The following SYNDIG1L variants were observed in gnomAD, a reference collection of about 807,000 sequenced individuals.
SYNDIG1L encodes the protein synapse differentiation-inducing gene protein 1-like.
SYNDIG1L carries 13 observed loss-of-function variants against 20.1 expected under a neutral mutation model. That is an observed-to-expected ratio of 0.65 (90% CI 0.42 to 1.03). The LOEUF (loss-of-function observed/expected upper bound fraction) is 1.03, where lower values mean the gene tolerates loss of function less well. SYNDIG1L is among the 50% of genes least tolerant of loss of function. SYNDIG1L has a pLI of 0.00. For missense variants in SYNDIG1L, 294 were observed against 305.1 expected (o/e 0.96, Z 0.27); for synonymous variants, 128 against 129.3 (o/e 0.99, Z 0.07).
At position 74,406,083 on chromosome 14, in the gene SYNDIG1L, A is replaced by G. The variant is rs552698555; in HGVS notation, c.*1452T>C. The G allele has an allele frequency of 1.8e-5, 7 of 398,628 alleles. No homozygotes were observed. In the Admixed American group the frequency reaches 3.1e-4, roughly 18 times the overall value. The allele number at this position is 398,628 out of a possible 1,614,324, so 24.7% of individuals were successfully genotyped here. ...GGCATGGGAATGACCAGGTTCCCAC[A>G]TCATGCACAGCAGGGGCCTGTAGCT... On this transcript the variant is annotated 3_prime_UTR_variant, in exon 4 of 4. Transcript: ENST00000331628.
chr14:74,461,884 C>T, the SYNDIG1L span, among the ~76,000 whole-genome samples: 2 of 139,422 alleles, frequency 1.4e-5, no homozygotes, highest in Admixed American at 1.5e-4. Context: ...GAGTTTGAGG[C>T]CAGCCTGGGC....
chr14:74,446,164 G>T, the SYNDIG1L span, among the ~76,000 whole-genome samples: 5 of 152,158 alleles, frequency 3.3e-5, no homozygotes, highest in Admixed American at 3.3e-4. Flanking sequence ...AACCACTAAA[G>T]TTGGCTATCA....
the SYNDIG1L span, among the ~76,000 whole-genome samples, chr14:74,432,415 T>C: frequency 6.6e-6 from 1 of 152,142 alleles, no homozygotes. Context: ...CTCCCAAGCC[T>C]GTTATTCCAG....
At chr14:74,441,293 T>C in the SYNDIG1L span, among the ~76,000 whole-genome samples, 1 of 152,162 alleles carries the variant, frequency 6.6e-6, no homozygotes, top group Non-Finnish European at 1.5e-5. Context: ...TTAACCACAC[T>C]CAAAAAAGTT....
chr14:74,441,992 G>A, the SYNDIG1L span, among the ~76,000 whole-genome samples: 2 of 152,324 alleles, frequency 1.3e-5, no homozygotes, highest in South Asian at 4.1e-4. Context: ...TCTAGAATCA[G>A]AAAAGCAGGT....
chr14:74,406,272 C>G lies in SYNDIG1L; in HGVS notation c.*1263G>C, dbSNP rs1362540481. ...TAACCAGGTACCCACCACTGACCCC[C>G]TAGCATTCAGAGATGGGAAAACATC... is the stretch of plus-strand genomic sequence containing the variant. On this transcript the variant is annotated 3_prime_UTR_variant, in exon 4 of 4. Transcript: ENST00000331628. 2.5e-6 allele frequency: 1 copy of G among 395,146 alleles called. No individual in the cohort carries two copies. The highest frequency in any genetic ancestry group is 4.5e-6 in the Non-Finnish European group (1 of 224,542). The allele number at this position is 395,146 out of a possible 1,614,324, so 24.5% of individuals were successfully genotyped here. A position where few individuals can be genotyped will look rare whatever the true frequency, so the allele number is the denominator to read the frequency against.
chr14:74,421,678 G>C (rs1297342297), intron 1 of SYNDIG1L, among the ~76,000 whole-genome samples: 2 of 152,186 alleles, frequency 1.3e-5, no homozygotes, highest in Non-Finnish European at 2.9e-5. Flanking sequence ...TGGATGTATG[G>C]AGTCGAAGCC....
chr14:74,408,447 C>T lies in SYNDIG1L; in HGVS notation c.418-458G>A, dbSNP rs541631097. On this transcript the variant is annotated intron_variant, in intron 2 of 3. Transcript: ENST00000331628. ...GGCATGGTGGCAGGTGCCTATAATC[C>T]CAGCTACTTGGGAGGCTGAGGCAGG... Among the ~76,000 whole-genome samples the T allele has an allele frequency of 2.8e-4, 43 of 152,078 alleles. No individual in the cohort carries two copies. In the South Asian group the frequency reaches 8.5e-3, roughly 30 times the overall value.
the SYNDIG1L span, among the ~76,000 whole-genome samples, chr14:74,448,334 A>G: frequency 6.6e-6 from 1 of 152,184 alleles, no homozygotes; most frequent in African/African-American, 2.4e-5. Flanking sequence ...TGCTCCCATT[A>G]GTCAAAAGAA....
At chr14:74,466,407 A>G in the SYNDIG1L span, among the ~76,000 whole-genome samples, 1 of 152,154 alleles carries the variant, frequency 6.6e-6, no homozygotes, top group South Asian at 2.1e-4. Context: ...GCCCCAGGGA[A>G]AGGATGAGAA....
At chr14:74,441,855 A>T in the SYNDIG1L span, among the ~76,000 whole-genome samples, 5 of 151,972 alleles carry the variant, frequency 3.3e-5, no homozygotes, top group Admixed American at 3.3e-4. Flanking sequence ...CTGTTTTAAT[A>T]AAAAAAATTT....
At chr14:74,432,262 C>T in the SYNDIG1L span, among the ~76,000 whole-genome samples, 5 of 151,060 alleles carry the variant, frequency 3.3e-5, no homozygotes, top group Non-Finnish European at 5.9e-5. Context: ...CTTCTTGATC[C>T]CTGGTCGCCC....
At chr14:74,408,601 G>C (rs2086104710) in intron 2 of SYNDIG1L, among the ~76,000 whole-genome samples, 1 of 150,576 alleles carries the variant, frequency 6.6e-6, no homozygotes, top group African/African-American at 2.4e-5. Context: ...TCAATGACCA[G>C]TGACCAGGAG....
At chr14:74,465,773 T>A in the SYNDIG1L span, among the ~76,000 whole-genome samples, 40 of 152,124 alleles carry the variant, frequency 2.6e-4, no homozygotes, top group Non-Finnish European at 4.6e-4. Flanking sequence ...CACCCTAACC[T>A]GTGAACATCA....
the SYNDIG1L span, chr14:74,480,036 A>T: frequency 6.8e-7 from 1 of 1,479,998 alleles, no homozygotes; most frequent in South Asian, 1.3e-5. Context: ...AAAAAATTAA[A>T]CATCTGCTAA....
chr14:74,462,079 T>A, the SYNDIG1L span, among the ~76,000 whole-genome samples: 1 of 131,734 alleles, frequency 7.6e-6, no homozygotes, highest in Non-Finnish European at 1.6e-5. Context: ...AGTGAGACTC[T>A]GTCTCAAAAA....
the SYNDIG1L span, among the ~76,000 whole-genome samples, chr14:74,442,864 G>A: frequency 1.3e-5 from 2 of 152,144 alleles, no homozygotes; most frequent in Non-Finnish European, 2.9e-5. Context: ...TGATGCCTGG[G>A]TTTCTGATTT....
chr14:74,414,601 T>C (rs2086159995), intron 1 of SYNDIG1L, among the ~76,000 whole-genome samples: 1 of 152,200 alleles, frequency 6.6e-6, no homozygotes, highest in African/African-American at 2.4e-5. Flanking sequence ...GTGACATTGG[T>C]TCATTTATCT....
chr14:74,418,726 A>G (rs2086197639), intron 1 of SYNDIG1L, among the ~76,000 whole-genome samples: 1 of 152,142 alleles, frequency 6.6e-6, no homozygotes, highest in Admixed American at 6.5e-5. Context: ...TAGTTGGATG[A>G]TTCTGAGGCC....
Sources: allele counts gnomAD v4.1 joint callset (sites outside exome capture counted in the v4.1 genomes callset), GRCh38; gene constraint gnomAD v4.1.1; transcripts MANE v1.5; gene names NCBI Gene and HGNC (gene_info 2026-07-23, HGNC 2026-07-21).